SLC8A1: variants seen among roughly 807,000 people sequenced by gnomAD.
SLC8A1 encodes sodium/calcium exchanger 1.
A neutral mutation model predicts 68.3 loss-of-function variants in SLC8A1; 18 were observed. That is an observed-to-expected ratio of 0.26 (90% CI 0.18 to 0.39). The LOEUF (loss-of-function observed/expected upper bound fraction) is 0.39, where lower values mean the gene tolerates loss of function less well. SLC8A1 is among the 10% of genes least tolerant of loss of function. SLC8A1 has a pLI of 1.00. For missense variants in SLC8A1, 985 were observed against 1,156.7 expected (o/e 0.85, Z 2.15); for synonymous variants, 475 against 415.5 (o/e 1.14, Z -1.74).
chr2:40,266,072 G>GT (rs1393170417), intron 2 of SLC8A1, among the ~76,000 whole-genome samples: 1 of 152,138 alleles, frequency 6.6e-6, no homozygotes, highest in Non-Finnish European at 1.5e-5. Flanking sequence ...GAATTCTTAG[G>GT]TTTTTGTTCC....
chr2:40,320,348 C>A (rs1013515571), intron 2 of SLC8A1, among the ~76,000 whole-genome samples: 1 of 152,082 alleles, frequency 6.6e-6, no homozygotes, highest in Non-Finnish European at 1.5e-5. Flanking sequence ...TCCAACATGA[C>A]ATTATTCTCC....
chr2:40,288,852 T>C (rs1045533381), intron 2 of SLC8A1, among the ~76,000 whole-genome samples: 6 of 138,598 alleles, frequency 4.3e-5, no homozygotes, highest in Non-Finnish European at 7.5e-5. Flanking sequence ...TATATATATA[T>C]GTATATATAT....
rs539625365 is a variant in SLC8A1 at position 40,345,287 on chromosome 2, T to A, written c.1808+83186A>T. On this transcript the variant is annotated intron_variant, in intron 2 of 7. Coordinates refer to ENST00000406785, the Ensembl canonical transcript of SLC8A1. ...CACTCCTACCTCATCAATAACAACA[T>A]CTGTATTTAGTAATAAACATGCTAG... is the stretch of plus-strand genomic sequence containing the variant. Among the ~76,000 whole-genome samples the A allele has an allele frequency of 5.3e-5, 8 of 152,316 alleles. No individual in the cohort carries two copies. The South Asian group carries it at 1.5e-3, about 28-fold the overall frequency.
chr2:40,262,103 C>G (rs764844551), intron 2 of SLC8A1, among the ~76,000 whole-genome samples: 1 of 152,006 alleles, frequency 6.6e-6, no homozygotes, highest in Non-Finnish European at 1.5e-5. Flanking sequence ...GCTGGGACTA[C>G]AGGCACGCGC....
At chr2:40,494,903 CT>C (rs1705592152) in intron 1 of SLC8A1, among the ~76,000 whole-genome samples, 1 of 151,024 alleles carries the variant, frequency 6.6e-6, no homozygotes, top group Non-Finnish European at 1.5e-5. Context: ...CTCATCTACT[CT>C]CTTATTTGCC....
chr2:40,418,024 A>G (rs971630023), intron 2 of SLC8A1, among the ~76,000 whole-genome samples: 2 of 152,184 alleles, frequency 1.3e-5, no homozygotes, highest in Non-Finnish European at 2.9e-5. Flanking sequence ...CAAATAATCA[A>G]AACCAGGTCG....
intron 2 of SLC8A1, among the ~76,000 whole-genome samples, chr2:40,315,211 G>C (rs1030934332): frequency 6.6e-6 from 1 of 151,696 alleles, no homozygotes; most frequent in African/African-American, 2.4e-5. Context: ...ACAGATGTTG[G>C]GTTTAGTTGA....
intron 2 of SLC8A1, among the ~76,000 whole-genome samples, chr2:40,261,612 G>A (rs2064708981): frequency 6.6e-6 from 1 of 152,140 alleles, no homozygotes; most frequent in Non-Finnish European, 1.5e-5. Context: ...AAATGAGGTA[G>A]CTCTATGTCA....
intron 2 of SLC8A1, among the ~76,000 whole-genome samples, chr2:40,398,886 C>A (rs964304380): frequency 1.3e-5 from 2 of 152,180 alleles, no homozygotes; most frequent in South Asian, 4.1e-4. Context: ...GCAACAGATT[C>A]TGATGTTTGC....
chr2:40,178,534 AAAGAG>A (rs749500805), intron 2 of SLC8A1, 41 bp from the exon 3 acceptor site: 10 of 1,522,504 alleles, frequency 6.6e-6, no homozygotes, highest in Non-Finnish European at 9.1e-6. Context: ...GGGGAAGAGG[AAAGAG>A]AAGAGAAGGA....
chr2:40,111,154 A>T (rs2034532879), exon 8 of SLC8A1: 1 of 152,210 alleles, frequency 6.6e-6, no homozygotes, highest in South Asian at 2.1e-4. Context: ...ATGAACTACA[A>T]AAAGCAAAAT....
At chr2:40,442,981 A>G (rs1051000256) in intron 1 of SLC8A1, among the ~76,000 whole-genome samples, 1 of 152,050 alleles carries the variant, frequency 6.6e-6, no homozygotes. Flanking sequence ...GGAAGCCATC[A>G]TCCTCAGCAA....
At chr2:40,444,372 C>G (rs1355388203) in intron 1 of SLC8A1, among the ~76,000 whole-genome samples, 1 of 152,068 alleles carries the variant, frequency 6.6e-6, no homozygotes, top group East Asian at 1.9e-4. Flanking sequence ...ATCTGTCTCC[C>G]TAGCCCCCAC....
intron 2 of SLC8A1, among the ~76,000 whole-genome samples, chr2:40,226,248 A>T (rs1204326339): frequency 1.3e-5 from 2 of 152,170 alleles, no homozygotes; most frequent in African/African-American, 4.8e-5. Flanking sequence ...ACTCAAACTT[A>T]GCCTTGCTGG....
At chr2:40,126,919 T>G (rs952315692) in intron 7 of SLC8A1, among the ~76,000 whole-genome samples, 6 of 152,204 alleles carry the variant, frequency 3.9e-5, no homozygotes, top group African/African-American at 1.4e-4. Flanking sequence ...TGGGGGCTCC[T>G]TAAGTATCTG....
chr2:40,325,331 C>T (rs1575418738), intron 2 of SLC8A1, among the ~76,000 whole-genome samples: 2 of 152,094 alleles, frequency 1.3e-5, no homozygotes, highest in East Asian at 3.9e-4. Flanking sequence ...GGCTGCCAGG[C>T]CCCTGAAACC....
At chr2:40,300,748 GA>G (rs2071307771) in intron 2 of SLC8A1, among the ~76,000 whole-genome samples, 1 of 152,128 alleles carries the variant, frequency 6.6e-6, no homozygotes, top group Non-Finnish European at 1.5e-5. Context: ...AAAGGCTGAA[GA>G]CACCAGCAGC....
At chr2:40,433,167 G>C (rs561430794) in intron 1 of SLC8A1, among the ~76,000 whole-genome samples, 2 of 151,912 alleles carry the variant, frequency 1.3e-5, no homozygotes, top group African/African-American at 4.8e-5. Flanking sequence ...CACTCTTCAC[G>C]TCCCTTAAAA....
intron 2 of SLC8A1, among the ~76,000 whole-genome samples, chr2:40,369,506 G>C (rs552464694): frequency 2.0e-5 from 3 of 152,074 alleles, no homozygotes; most frequent in Non-Finnish European, 4.4e-5. Flanking sequence ...AATGTTAAGA[G>C]TTCTGTCTGT....
Sources: gnomAD v4.1 joint callset for allele counts (sites outside exome capture counted in the v4.1 genomes callset) on GRCh38, gnomAD v4.1.1 for gene constraint, MANE v1.5 for transcripts, NCBI Gene and HGNC (gene_info 2026-07-23, HGNC 2026-07-21) for gene names.